The following EPS15L1 variants were observed in gnomAD, a reference collection of about 807,000 sequenced individuals.
EPS15L1 encodes epidermal growth factor receptor pathway substrate 15 like 1, also known as epidermal growth factor receptor substrate 15-like 1.
A neutral mutation model predicts 117.1 loss-of-function variants in EPS15L1; 43 were observed. The observed-to-expected ratio is 0.37, with a 90% CI of 0.29 to 0.47. EPS15L1 has a LOEUF of 0.47. Ranked by LOEUF, EPS15L1 falls within the 20% of genes least tolerant of loss-of-function variation. The probability of loss-of-function intolerance (pLI) is 0.99; values close to 1 mark genes in which losing one functional copy is unlikely to be tolerated. For synonymous variants in EPS15L1, 459 were observed against 470.5 expected (o/e 0.98, Z 0.32); for missense variants, 981 against 1,164.0 (o/e 0.84, Z 2.29).
At chr19:16,435,479 A>G (rs2092969624) in intron 6 of EPS15L1, among the ~76,000 whole-genome samples, 1 of 152,152 alleles carries the variant, frequency 6.6e-6, no homozygotes, top group Admixed American at 6.5e-5. Context: ...GTACACTTAG[A>G]AATGGTTAAG....
intron 4 of EPS15L1, among the ~76,000 whole-genome samples, chr19:16,439,165 G>GT (rs1193447542): frequency 3.3e-5 from 5 of 151,930 alleles, no homozygotes; most frequent in Non-Finnish European, 5.9e-5. Flanking sequence ...CTTCAAAGAG[G>GT]TAAGTGCTAG....
At chr19:16,385,662 A>G (rs2092412696) in intron 20 of EPS15L1, among the ~76,000 whole-genome samples, 1 of 152,178 alleles carries the variant, frequency 6.6e-6, no homozygotes, top group Middle Eastern at 3.4e-3. Flanking sequence ...GATACCAAAC[A>G]CTGCTACCCG....
At chr19:16,422,962 A>G (rs1194341730) in intron 9 of EPS15L1, among the ~76,000 whole-genome samples, 30 of 137,538 alleles carry the variant, frequency 2.2e-4, no homozygotes, top group Non-Finnish European at 3.2e-4. Flanking sequence ...CGTCTCGGGG[A>G]AAAAAAAAGG....
chr19:16,374,704 T>C (rs1377523804), intron 22 of EPS15L1, among the ~76,000 whole-genome samples: 1 of 152,198 alleles, frequency 6.6e-6, no homozygotes, highest in Non-Finnish European at 1.5e-5. Context: ...TTTGCACCTG[T>C]GAGCTGTTGA....
Position 16,471,506 on chromosome 19 carries a change from C to T in EPS15L1, c.33+407G>A, listed in dbSNP as rs2093345942. 6.6e-6 allele frequency among the ~76,000 whole-genome samples: 1 copy of T among 152,192 alleles called. No homozygotes were observed. The highest frequency in any genetic ancestry group is 1.5e-5 in the Non-Finnish European group (1 of 68,024). On this transcript the variant is annotated intron_variant, in intron 1 of 23. Transcript: ENST00000455140. This position sits in a 1 kb window ranked among gnomAD's most constrained non-coding sequence, Gnocchi z 4.8. The stretch of plus-strand genomic sequence containing the variant: ...GACGGGTCCGGGCTCCGGCGGGACC[C>T]TGCCCGCCCGGGCGCCGGGACCGGA...
At chr19:16,374,632 G>A (rs551194584) in intron 22 of EPS15L1, among the ~76,000 whole-genome samples, 3 of 152,322 alleles carry the variant, frequency 2.0e-5, no homozygotes, top group South Asian at 4.1e-4. Flanking sequence ...CAGACCCAGC[G>A]CCGGGTTTAG....
intron 1 of EPS15L1, among the ~76,000 whole-genome samples, chr19:16,465,500 T>C (rs1198170767): frequency 1.3e-5 from 2 of 151,968 alleles, no homozygotes; most frequent in African/African-American, 2.4e-5. Flanking sequence ...CTGGGCAACA[T>C]AGCAAGATCC....
rs184911658 is a variant in EPS15L1, at chr19:16,414,719, T to G, written c.1194-874A>C. Among the ~76,000 whole-genome samples the G allele has an allele frequency of 1.5e-3, 230 of 150,898 alleles. 6 individuals are homozygous for G. In the East Asian group the frequency reaches 0.04, roughly 27 times the overall value. ...TGGCCTTTTTTTGGTTTTGTTTTTT[T>G]TTTTTTTTGAGACAGGCTCTTGCTC... On this transcript the variant is annotated intron_variant, in intron 12 of 23. Transcript: ENST00000455140.
intron 4 of EPS15L1, 81 bp downstream of exon 4, chr19:16,440,781 A>G: frequency 8.2e-7 from 1 of 1,213,742 alleles, no homozygotes; most frequent in South Asian, 1.2e-5. Context: ...CAGTGGAGGA[A>G]TGTGGAAGGA....
At chr19:16,465,138 T>A (rs539511257) in intron 1 of EPS15L1, among the ~76,000 whole-genome samples, 38 of 152,040 alleles carry the variant, frequency 2.5e-4, no homozygotes, top group African/African-American at 8.7e-4. Context: ...TTTACAAATT[T>A]GTGTTGGGCT....
chr19:16,386,793 G>A (rs2092424838), intron 19 of EPS15L1, among the ~76,000 whole-genome samples: 1 of 152,240 alleles, frequency 6.6e-6, no homozygotes, highest in African/African-American at 2.4e-5. Flanking sequence ...CTGTAGCTGA[G>A]GCCACAAGAA....
rs1273572459 is a variant in EPS15L1 at position 16,471,360 on chromosome 19, G to GC, written c.33+552dup. Among the ~76,000 whole-genome samples, 4 of 152,342 alleles carry GC rather than the reference G, an allele frequency of 2.6e-5. No homozygotes were observed. In the East Asian group the frequency reaches 7.7e-4, roughly 29 times the overall value. Reference sequence around the variant, plus strand: ...CTATCGATACTGCCCCTTCATAAGCGCATCAGGCGAATTTGAGGACACAGA... The same window carrying GC: ...CTATCGATACTGCCCCTTCATAAGCGCCATCAGGCGAATTTGAGGACACAGA... On this transcript the variant is annotated intron_variant, in intron 1 of 23. Coordinates refer to ENST00000455140, the MANE Select transcript of EPS15L1 (RefSeq NM_001258374.3). This position sits in a 1 kb window ranked among gnomAD's most constrained non-coding sequence, Gnocchi z 4.8.
chr19:16,428,416 G>T (rs2092895191), intron 8 of EPS15L1, among the ~76,000 whole-genome samples: 1 of 117,422 alleles, frequency 8.5e-6, no homozygotes, highest in South Asian at 3.0e-4. Flanking sequence ...GGGAGGGAGG[G>T]AAGGAAGGAA....
At chr19:16,466,903 C>CAA (rs1317502176) in intron 1 of EPS15L1, among the ~76,000 whole-genome samples, 3 of 71,476 alleles carry the variant, frequency 4.2e-5, no homozygotes, top group African/African-American at 1.1e-4. Flanking sequence ...AACTCTGTCT[C>CAA]AAAAAAAAAA....
chr19:16,388,120 G>A (rs1023052363), intron 19 of EPS15L1, among the ~76,000 whole-genome samples: 2 of 152,134 alleles, frequency 1.3e-5, no homozygotes, highest in Non-Finnish European at 2.9e-5. Context: ...TCAGCTCACT[G>A]CAACCTCTGA....
intron 4 of EPS15L1, 99 bp from the exon 5 acceptor site, chr19:16,437,964 C>T (rs2092993906): frequency 2.2e-6 from 2 of 903,922 alleles, no homozygotes; most frequent in Non-Finnish European, 1.8e-6. Context: ...AGGATGTGCA[C>T]TTCAACAATG....
At chr19:16,398,315 G>C (rs1327991121) in intron 16 of EPS15L1, among the ~76,000 whole-genome samples, 1 of 152,244 alleles carries the variant, frequency 6.6e-6, no homozygotes, top group Non-Finnish European at 1.5e-5. Flanking sequence ...TCCGACCACA[G>C]GGTTTTCCCA....
chr19:16,402,881 C>T (rs965255042), intron 15 of EPS15L1, among the ~76,000 whole-genome samples: 8 of 152,144 alleles, frequency 5.3e-5, no homozygotes, highest in South Asian at 4.1e-4. Context: ...CACTGCACTG[C>T]GCAAAGCAAC....
intron 22 of EPS15L1, among the ~76,000 whole-genome samples, chr19:16,373,380 A>G (rs1375234043): frequency 6.6e-6 from 1 of 152,050 alleles, no homozygotes; most frequent in African/African-American, 2.4e-5. Flanking sequence ...GAGCAGAAAA[A>G]GCCTGGGGTA....
Sources: allele counts gnomAD v4.1 joint callset (sites outside exome capture counted in the v4.1 genomes callset), GRCh38; gene constraint gnomAD v4.1.1; non-coding constraint Gnocchi (gnomAD v3.1); transcripts MANE v1.5; gene names NCBI Gene and HGNC (gene_info 2026-07-23, HGNC 2026-07-21).